Variants in RCN2 observed in about 807,000 individuals in gnomAD.
RCN2 encodes reticulocalbin 2, also known as reticulocalbin-2.
Under a neutral mutation model 37.5 loss-of-function variants are expected in RCN2, and 23 were observed. That is an observed-to-expected ratio of 0.61 (90% CI 0.44 to 0.87). The LOEUF is 0.87. RCN2 is among the 40% of genes least tolerant of loss of function. RCN2 has a pLI of 0.00. For missense variants in RCN2, 381 were observed against 390.4 expected, an observed-to-expected ratio of 0.98 and a Z score of 0.20; for synonymous variants, 140 against 144.6, an observed-to-expected ratio of 0.97 and a Z score of 0.23.
chr15:76,932,559 G>A (rs1292676359), intron 2 of RCN2, 93 bp downstream of exon 2: 5 of 847,242 alleles, frequency 5.9e-6, no homozygotes, highest in Non-Finnish European at 7.8e-6. Flanking sequence ...AGTGTCCCAA[G>A]TTGGAAGTCC....
chr15:76,945,548 C>T (rs754208520), intron 4 of RCN2, among the ~76,000 whole-genome samples: 4 of 152,136 alleles, frequency 2.6e-5, no homozygotes, highest in Non-Finnish European at 5.9e-5. Flanking sequence ...CCTATTATGA[C>T]TTGGCCAAGC....
chr15:76,948,924 G>T, intron 6 of RCN2, 146 bp from the exon 7 acceptor site: 1 of 751,874 alleles, frequency 1.3e-6, no homozygotes, highest in Non-Finnish European at 2.1e-6. Context: ...GACGGACCTG[G>T]TTACAACGTG....
Position 76,953,573 on chromosome 15 carries a change from ATATATATATATATATATATATTTTTTTT to A in RCN2, c.*4353_*4380del, listed in dbSNP as rs2075332051. On this transcript the variant is annotated 3_prime_UTR_variant, in exon 7 of 7. Coordinates refer to ENST00000394885, the MANE Select transcript of RCN2 (RefSeq NM_002902.3). ...AGTAATTCTATATATATATATATAT[ATATATATATATATATATATATTTTTTTT>A]TTTTTTTTTTTTTTTTTTTTTTTTG... is the stretch of plus-strand genomic sequence containing the variant. The A allele has an allele frequency of 1.3e-4, 2 of 15,850 alleles. No individual in the cohort carries two copies. The highest frequency in any genetic ancestry group is 2.9e-4 in the African/African-American group (1 of 3,392). 1.0% of individuals were successfully genotyped at this position (15,850 alleles called of 1,614,324 possible). A position where few individuals can be genotyped will look rare whatever the true frequency, so the allele number is the denominator to read the frequency against.
Position 76,943,870 on chromosome 15 carries a change from C to T in RCN2, c.560C>T (p.Thr187Met), listed in dbSNP as rs769520193. The change falls in exon 4 of 7, where the codon ACG becomes ATG. Residue 187 changes from threonine (T) to methionine (M), a missense_variant and splice_region_variant. By Grantham distance (81) the Thr-to-Met change is moderately conservative (BLOSUM62 -1). Transcript: ENST00000394885. ...CATCCTGAAGAAGTTGATTATATGA[C>T]GGTAAGAAAGAAACATTTTTAAGAG... ...FEHPEEVDYMTEFVIQEALEE... is the reference protein window; with the variant it reads ...FEHPEEVDYMMEFVIQEALEE... 8 of 1,527,168 alleles carry T rather than the reference C, an allele frequency of 5.2e-6. No homozygotes were observed. Among genetic ancestry groups the T allele is most frequent in the South Asian group, 2.3e-5 (2 of 85,408 alleles). 94.6% of individuals were successfully genotyped at this position (1,527,168 alleles called of 1,614,324 possible).
chr15:76,948,523 C>G lies in RCN2; in HGVS notation c.772C>G (p.Pro258Ala), dbSNP rs893074705. The change falls in exon 6 of 7, where the codon CCT (proline) becomes GCT (alanine). Residue 258 changes from proline (P) to alanine (A), a missense_variant. Pro to Ala is a conservative substitution (Grantham distance 27, BLOSUM62 -1). Transcript: ENST00000394885. Reference sequence around the variant, plus strand: ...CCAAGAGCTGTTACCTTGGGTAGTACCTAATAATCAGGGCATTGCACAAGA... The same window carrying G: ...CCAAGAGCTGTTACCTTGGGTAGTAGCTAATAATCAGGGCATTGCACAAGA... Reference protein sequence around the residue: ...DPQELLPWVVPNNQGIAQEEA... With the variant: ...DPQELLPWVVANNQGIAQEEA... 1.9e-6 allele frequency: 3 copies of G among 1,595,350 alleles called. No homozygotes were observed. Among genetic ancestry groups the G allele is most frequent in the Non-Finnish European group, 8.6e-7 (1 of 1,169,236 alleles).
chr15:76,935,015 A>G (rs1308912337), intron 2 of RCN2, among the ~76,000 whole-genome samples: 1 of 152,160 alleles, frequency 6.6e-6, no homozygotes, highest in Non-Finnish European at 1.5e-5. Context: ...CATTATATTT[A>G]GATCATATGT....
Position 76,953,586 on chromosome 15 carries a change from TATATA to T in RCN2, c.*4365_*4369del, listed in dbSNP as rs1404242889. On this transcript the variant is annotated 3_prime_UTR_variant, in exon 7 of 7. Coordinates refer to ENST00000394885, the MANE Select transcript of RCN2 (RefSeq NM_002902.3). ...ATATATATATATATATATATATATA[TATATA>T]TATTTTTTTTTTTTTTTTTTTTTTT... 40 of 23,450 alleles carry T rather than the reference TATATA, an allele frequency of 1.7e-3. No individual in the cohort carries two copies. The highest frequency in any genetic ancestry group is 2.6e-3 in the Non-Finnish European group (29 of 11,326). 1.5% of individuals were successfully genotyped at this position (23,450 alleles called of 1,614,324 possible). A position where few individuals can be genotyped will look rare whatever the true frequency, so the allele number is the denominator to read the frequency against.
Position 76,948,586 on chromosome 15 carries a change from C to G in RCN2, c.801+34C>G, listed in dbSNP as rs770302159. On this transcript the variant is annotated intron_variant, in intron 6 of 6. Transcript: ENST00000394885. ...TACAGAACAACTGTTTCTCTCCACC[C>G]CCTCCCCCCGAATTTGGTGCTGTTG... The G allele has an allele frequency of 2.0e-6, 3 of 1,478,102 alleles. No individual in the cohort carries two copies. The African/African-American group carries it at 4.2e-5, about 21-fold the overall frequency. The allele number at this position is 1,478,102 out of a possible 1,614,324, so 91.6% of individuals were successfully genotyped here.
intron 6 of RCN2, 123 bp downstream of exon 6, chr15:76,948,675 G>T (rs1215545714): frequency 1.1e-6 from 1 of 905,270 alleles, no homozygotes; most frequent in East Asian, 2.6e-5. Context: ...TGGGATTGAT[G>T]CATTACTATG....
intron 3 of RCN2, chr15:76,941,792 T>G (rs2075277607): frequency 3.4e-6 from 2 of 589,018 alleles, no homozygotes; most frequent in Non-Finnish European, 5.5e-6. Context: ...CTCAGCTTGT[T>G]GAAAGAGATC....
At chr15:76,932,083 G>A (rs1275481097) in intron 1 of RCN2, 98 bp downstream of exon 1, 2 of 1,168,108 alleles carry the variant, frequency 1.7e-6, no homozygotes, top group Non-Finnish European at 2.2e-6. Flanking sequence ...GCGAGGCCTG[G>A]CAGGGGCGGC....
intron 3 of RCN2, among the ~76,000 whole-genome samples, chr15:76,937,805 GA>G (rs1256268371): frequency 1.3e-5 from 2 of 152,096 alleles, no homozygotes; most frequent in Non-Finnish European, 1.5e-5. Flanking sequence ...GCAGAGCTGA[GA>G]AAGACTAATT....
chr15:76,947,368 G>A, intron 4 of RCN2, 53 bp from the exon 5 acceptor site: 1 of 1,088,018 alleles, frequency 9.2e-7, no homozygotes, highest in Non-Finnish European at 1.4e-6. Context: ...GGATGGCAGT[G>A]GGACTGAACA....
At chr15:76,945,629 A>C (rs2152651478) in intron 4 of RCN2, among the ~76,000 whole-genome samples, 1 of 152,338 alleles carries the variant, frequency 6.6e-6, no homozygotes, top group East Asian at 1.9e-4. Flanking sequence ...AAAGAGACTA[A>C]ACATTTATAT....
intron 3 of RCN2, among the ~76,000 whole-genome samples, chr15:76,939,764 T>C (rs1166188601): frequency 6.6e-6 from 1 of 152,216 alleles, no homozygotes; most frequent in African/African-American, 2.4e-5. Flanking sequence ...TTGCTGGAAT[T>C]AGATTCTAAT....
In RCN2 at chr15:76,948,459, G is replaced by T; in HGVS notation, c.708G>T (p.Val236=). Residue 236 remains valine (V), a synonymous_variant, in exon 6 of 7, where the codon GTG becomes GTT. Coordinates refer to ENST00000394885, the MANE Select transcript of RCN2 (RefSeq NM_002902.3). ...EWILVEKDRF[V]NDYDKDNDGR... ...TACTTGTTGAGAAAGACAGATTCGTGAATGATTATGACAAAGATAACGATG... is the reference window on the plus strand; with the variant it reads ...TACTTGTTGAGAAAGACAGATTCGTTAATGATTATGACAAAGATAACGATG... 3 of 1,610,022 alleles carry T rather than the reference G, an allele frequency of 1.9e-6. No homozygotes were observed. The highest frequency in any genetic ancestry group is 2.5e-6 in the Non-Finnish European group (3 of 1,177,664).
intron 2 of RCN2, among the ~76,000 whole-genome samples, chr15:76,933,676 T>A (rs2152649286): frequency 6.6e-6 from 1 of 152,364 alleles, no homozygotes; most frequent in East Asian, 1.9e-4. Flanking sequence ...TACCCCCTGA[T>A]GGCAAAGCTG....
intron 3 of RCN2, chr15:76,938,600 A>C (rs995579061): frequency 1.8e-4 from 73 of 403,806 alleles, no homozygotes; most frequent in Non-Finnish European, 5.7e-5. Context: ...CCTGTTAAAC[A>C]ACACCCCATT....
intron 3 of RCN2, among the ~76,000 whole-genome samples, chr15:76,939,231 A>AAAAT (rs147122407): frequency 0.065 from 9,345 of 144,500 alleles, 339 homozygotes; most frequent in South Asian, 0.091. Context: ...CTCATTTCTA[A>AAAAT]AAATAAATAA....
Sources: gnomAD v4.1 joint callset for allele counts (sites outside exome capture counted in the v4.1 genomes callset) on GRCh38, gnomAD v4.1.1 for gene constraint, MANE v1.5 for transcripts, NCBI Gene and HGNC (gene_info 2026-07-23, HGNC 2026-07-21) for gene names.